JAK1: variants seen among roughly 807,000 people sequenced by gnomAD.
JAK1 encodes the protein Janus kinase 1.
A neutral mutation model predicts 136.6 loss-of-function variants in JAK1; 16 were observed. The observed-to-expected ratio is 0.12, with a 90% CI of 0.08 to 0.18. JAK1 has a LOEUF of 0.18. Ranked by LOEUF, JAK1 falls within the 10% of genes least tolerant of loss-of-function variation. The pLI is 1.00. For missense variants in JAK1, 859 were observed against 1,450.1 expected (o/e 0.59, Z 6.62); for synonymous variants, 492 against 519.5 (o/e 0.95, Z 0.72).
At chr1:65,018,466 G>A (rs1646908176) in intron 2 of JAK1, among the ~76,000 whole-genome samples, 1 of 141,222 alleles carries the variant, frequency 7.1e-6, no homozygotes, top group Admixed American at 7.3e-5. Context: ...TACATACAGA[G>A]AGAGAGAGAG....
intron 2 of JAK1, among the ~76,000 whole-genome samples, chr1:65,013,332 G>C (rs1056522215): frequency 2.8e-5 from 4 of 143,254 alleles, no homozygotes; most frequent in African/African-American, 1.0e-4. Context: ...GGAGGCGGAG[G>C]TTGCGGTGAG....
chr1:64,944,170 C>G (rs1245436890), intron 1 of JAK1, among the ~76,000 whole-genome samples: 2 of 138,252 alleles, frequency 1.4e-5, no homozygotes, highest in East Asian at 4.3e-4. Context: ...TGCAGTGAGC[C>G]GAGATCGCAC....
chr1:64,956,980 G>A (rs539437775), intron 1 of JAK1, among the ~76,000 whole-genome samples: 1 of 152,308 alleles, frequency 6.6e-6, no homozygotes, highest in East Asian at 1.9e-4. Flanking sequence ...ACATCTGCCA[G>A]GAAGGAGGTT....
chr1:64,834,617 G>T lies in JAK1; in HGVS notation c.3410C>A (p.Ser1137Tyr). The T allele has an allele frequency of 9.9e-6, 16 of 1,612,562 alleles. No homozygotes were observed. Among genetic ancestry groups the T allele is most frequent in the Non-Finnish European group, 1.4e-5 (16 of 1,178,824 alleles). ...LMRKCWEFQP[S>Y]NRTSFQNLIE... ...AAGGTTCTGAAAGCTTGTCCGATTG[G>T]ATGGTTGGAATTCCCAGCATTTCCT... is the stretch of plus-strand genomic sequence containing the variant. Residue 1137 changes from serine (S) to tyrosine (Y), a missense_variant, in exon 25 of 25, where the codon TCC becomes TAC. By Grantham distance (144) the Ser-to-Tyr change is moderately radical. Around this residue, in one of 4 missense-constraint regions of JAK1, gnomAD observed 53 missense variants for 64.8 expected, o/e 0.82. Transcript: ENST00000342505.
chr1:64,884,291 G>A (rs1357155263), intron 2 of JAK1, among the ~76,000 whole-genome samples: 1 of 152,160 alleles, frequency 6.6e-6, no homozygotes, highest in Non-Finnish European at 1.5e-5. Flanking sequence ...CAGAAAGGAG[G>A]AAAGAAATGA....
intron 1 of JAK1, among the ~76,000 whole-genome samples, chr1:64,940,806 G>A (rs1245866673): frequency 1.3e-5 from 2 of 152,126 alleles, no homozygotes; most frequent in African/African-American, 4.8e-5. Flanking sequence ...AAAATAAACT[G>A]TATTCAGTCG....
chr1:65,003,944 T>C (rs1646783515), intron 2 of JAK1: 1 of 152,174 alleles, frequency 6.6e-6, no homozygotes, highest in Admixed American at 6.5e-5. Flanking sequence ...CACTTTTTTG[T>C]TTTGTTTTGT....
intron 1 of JAK1, among the ~76,000 whole-genome samples, chr1:64,923,263 C>T (rs937241166): frequency 6.6e-6 from 1 of 152,142 alleles, no homozygotes; most frequent in South Asian, 2.1e-4. Flanking sequence ...CTGGTCCTAA[C>T]ACCTATCTGT....
intron 1 of JAK1, among the ~76,000 whole-genome samples, chr1:64,965,789 G>C (rs1317322832): frequency 2.6e-5 from 4 of 151,470 alleles, no homozygotes; most frequent in Middle Eastern, 6.8e-3. Context: ...CCGAGTTCGC[G>C]GACGCCCAAC....
chr1:64,988,893 A>C (rs1398424691), intron 2 of JAK1, among the ~76,000 whole-genome samples: 1 of 150,492 alleles, frequency 6.6e-6, no homozygotes, highest in Non-Finnish European at 1.5e-5. Context: ...TAACTAAAAT[A>C]AATAAAATTT....
At chr1:65,006,801 A>C (rs534285934) in intron 2 of JAK1, among the ~76,000 whole-genome samples, 1 of 152,200 alleles carries the variant, frequency 6.6e-6, no homozygotes, top group Non-Finnish European at 1.5e-5. Flanking sequence ...TTTTATCTTC[A>C]TAATATTTAC....
chr1:64,846,790 C>T, intron 13 of JAK1, 54 bp from the exon 14 acceptor site: 2 of 1,404,182 alleles, frequency 1.4e-6, no homozygotes. Flanking sequence ...GGGGGCTGCT[C>T]CCCAGGGGCT....
Position 64,867,217 on chromosome 1 carries a change from C to A in JAK1, c.648-9G>T, listed in dbSNP as rs368204186. On this transcript the variant is annotated splice_polypyrimidine_tract_variant and intron_variant, in intron 6 of 24. Coordinates refer to ENST00000342505, the MANE Select transcript of JAK1 (RefSeq NM_002227.4). ...GAATATATCGCTTGTAGCTAAAAGA[C>A]AGTAGAAAAGTACATCTCCTTTTCA... 2 of 1,572,520 alleles carry A rather than the reference C, an allele frequency of 1.3e-6. No individual in the cohort carries two copies. Among genetic ancestry groups the A allele is most frequent in the East Asian group, 2.3e-5 (1 of 44,282 alleles).
intron 2 of JAK1, 38 bp downstream of exon 2, chr1:64,886,221 G>T (rs765691932): frequency 1.5e-6 from 2 of 1,355,398 alleles, no homozygotes; most frequent in South Asian, 1.2e-5. Context: ...TTTAAAGCCA[G>T]ATATTTTCCT....
chr1:65,004,416 C>T (rs558660841), intron 2 of JAK1, among the ~76,000 whole-genome samples: 6 of 152,170 alleles, frequency 3.9e-5, no homozygotes, highest in East Asian at 1.9e-4. Flanking sequence ...CTGCTGGACT[C>T]GTGAGTGACC....
intron 6 of JAK1, among the ~76,000 whole-genome samples, chr1:64,868,197 A>C (rs1459090281): frequency 6.6e-6 from 1 of 152,152 alleles, no homozygotes; most frequent in Non-Finnish European, 1.5e-5. Context: ...ACAGAATCTA[A>C]ACAAGCTGAT....
intron 6 of JAK1, among the ~76,000 whole-genome samples, chr1:64,868,282 C>T (rs1656835802): frequency 6.6e-6 from 1 of 152,086 alleles, no homozygotes; most frequent in African/African-American, 2.4e-5. Context: ...CCACTGGGGG[C>T]CAAATGCGGA....
chr1:64,916,905 G>A (rs1388189117), intron 1 of JAK1, among the ~76,000 whole-genome samples: 2 of 151,436 alleles, frequency 1.3e-5, no homozygotes, highest in East Asian at 3.9e-4. Context: ...GGAGAAAAGA[G>A]ATAAGAAAAT....
chr1:65,049,014 T>C (rs1647218406), intron 1 of JAK1, among the ~76,000 whole-genome samples: 1 of 152,184 alleles, frequency 6.6e-6, no homozygotes, highest in Admixed American at 6.5e-5. Flanking sequence ...CGGGATCTAT[T>C]TCTAGAATTG....
Sources: allele counts gnomAD v4.1 joint callset (sites outside exome capture counted in the v4.1 genomes callset), GRCh38; gene constraint gnomAD v4.1.1; regional missense constraint gnomAD v4.1.1; transcripts MANE v1.5; gene names NCBI Gene and HGNC (gene_info 2026-07-23, HGNC 2026-07-21).